PCDHGB3: variants seen among roughly 807,000 people sequenced by gnomAD.
PCDHGB3 encodes protocadherin gamma subfamily B, 3, also known as protocadherin gamma-B3.
PCDHGB3 carries 40 observed loss-of-function variants against 59.2 expected under a neutral mutation model. That is an observed-to-expected ratio of 0.68 (90% confidence interval 0.52 to 0.88). The LOEUF (loss-of-function observed/expected upper bound fraction) is 0.88, where lower values mean the gene tolerates loss of function less well. Among genes scored for constraint, PCDHGB3 ranks in the 40% least tolerant of loss-of-function variants. The pLI, the probability that PCDHGB3 is intolerant of heterozygous loss-of-function variation, is 0.00. For synonymous variants in PCDHGB3, 581 were observed against 503.6 expected, an observed-to-expected ratio of 1.15 and a Z score of -2.06; for missense variants, 1,309 against 1,187.9, an observed-to-expected ratio of 1.10 and a Z score of -1.50.
At chr5:141,424,171 C>A in intron 1 of PCDHGB3, 1 of 226,338 alleles carries the variant, frequency 4.4e-6, no homozygotes, top group Non-Finnish European at 8.0e-6. Flanking sequence ...ATCTATCTAT[C>A]TATACACATG....
rs376494807 is a variant in PCDHGB3 at position 141,491,836 on chromosome 5, G to A, written c.2416-2971G>A. 4.2e-5 allele frequency: 62 copies of A among 1,472,880 alleles called. No homozygotes were observed. The highest frequency in any genetic ancestry group is 3.6e-4 in the Middle Eastern group (2 of 5,606). 91.2% of individuals were successfully genotyped at this position (1,472,880 alleles called of 1,614,324 possible). A position where few individuals can be genotyped will look rare whatever the true frequency, so the allele number is the denominator to read the frequency against. On this transcript the variant is annotated intron_variant, in intron 1 of 3. Coordinates refer to ENST00000576222, the MANE Select transcript of PCDHGB3 (RefSeq NM_018924.5). This position sits in a 1 kb window ranked among gnomAD's most constrained non-coding sequence, Gnocchi z 6.9. ...CTGGCTGCGCTCCACCCGATTCTCG[G>A]GATCATTGGACCGTTTGCGCGAAAC...
chr5:141,476,382 A>G lies in PCDHGB3; in HGVS notation c.2416-18425A>G, dbSNP rs777831089. ...CGGGAGACCGGAGAGATGTTTGTGA[A>G]CGACCGTCTGGATCGAGAGGAGCTG... On this transcript the variant is annotated intron_variant, in intron 1 of 3. Transcript: ENST00000576222. This position sits in a 1 kb window ranked among gnomAD's most constrained non-coding sequence, Gnocchi z 7.6. 3.7e-6 allele frequency: 6 copies of G among 1,613,866 alleles called. No individual in the cohort carries two copies. The East Asian group carries it at 1.3e-4, about 36-fold the overall frequency.
chr5:141,394,275 A>G (rs371709954), intron 1 of PCDHGB3: 21 of 1,613,792 alleles, frequency 1.3e-5, no homozygotes, highest in Non-Finnish European at 1.6e-5. Flanking sequence ...TGCCCAGGTC[A>G]CTTACTCTGT....
At chr5:141,402,962 C>A (rs1482027682) in intron 1 of PCDHGB3, 2 of 1,604,618 alleles carry the variant, frequency 1.2e-6, no homozygotes, top group African/African-American at 2.7e-5. Flanking sequence ...AATGGCAGCT[C>A]CAACCAAATG....
chr5:141,390,103 A>G (rs757288667), intron 1 of PCDHGB3: 2 of 1,613,996 alleles, frequency 1.2e-6, no homozygotes, highest in South Asian at 1.1e-5. Flanking sequence ...GTTCCCCCCA[A>G]CTACAGCGAG....
intron 1 of PCDHGB3, chr5:141,475,850 G>A (rs2099376325): frequency 1.9e-5 from 9 of 464,524 alleles, no homozygotes; most frequent in Middle Eastern, 5.9e-4. Context: ...AGAGAGCCCG[G>A]CGCTAGCTCA....
At chr5:141,407,238 T>C (rs538322072) in intron 1 of PCDHGB3, among the ~76,000 whole-genome samples, 1 of 152,338 alleles carries the variant, frequency 6.6e-6, no homozygotes, top group East Asian at 1.9e-4. Context: ...AAATAAAGCA[T>C]ACTTCAGGCT....
chr5:141,372,648 T>C lies in PCDHGB3; in HGVS notation c.2254T>C (p.Tyr752His). 6.2e-7 allele frequency: 1 copy of C among 1,614,024 alleles called. No homozygotes were observed. Among genetic ancestry groups the C allele is most frequent in the Non-Finnish European group, 8.5e-7 (1 of 1,179,866 alleles). ...CAGCGAAAGGACTTTGCCTTATTCC[T>C]ACAATCCGTGTGCTGCCTCACATTC... ...TYSERTLPYS[Y>H]NPCAASHSSN... Residue 752 changes from tyrosine to histidine, a missense_variant, in exon 1 of 4, where the codon TAC becomes CAC. Coordinates refer to ENST00000576222, the MANE Select transcript of PCDHGB3 (RefSeq NM_018924.5).
chr5:141,441,993 G>T (rs577673608), intron 1 of PCDHGB3: 16 of 251,180 alleles, frequency 6.4e-5, no homozygotes, highest in East Asian at 3.9e-4. Flanking sequence ...CACCGACGAG[G>T]TGCTGACAGC....
intron 1 of PCDHGB3, among the ~76,000 whole-genome samples, chr5:141,452,761 G>A (rs1291983570): frequency 6.6e-6 from 1 of 152,036 alleles, no homozygotes; most frequent in East Asian, 1.9e-4. Flanking sequence ...AGGAAGGGAG[G>A]GAGGGAAAAC....
chr5:141,456,093 T>G (rs1362649283), intron 1 of PCDHGB3, among the ~76,000 whole-genome samples: 1 of 151,986 alleles, frequency 6.6e-6, no homozygotes, highest in Non-Finnish European at 1.5e-5. Context: ...GAGACGGGAT[T>G]TCACCGTGTT....
At chr5:141,438,914 C>T (rs1249997741) in intron 1 of PCDHGB3, among the ~76,000 whole-genome samples, 1 of 151,906 alleles carries the variant, frequency 6.6e-6, no homozygotes, top group Non-Finnish European at 1.5e-5. Flanking sequence ...GATCCACCTG[C>T]CTTGGCCTCC....
chr5:141,383,458 G>A, intron 1 of PCDHGB3: 1 of 1,613,878 alleles, frequency 6.2e-7, no homozygotes, highest in African/African-American at 1.3e-5. Context: ...AAGTGGAGAC[G>A]ATGAAACTAA....
At chr5:141,409,507 T>C (rs1220086382) in intron 1 of PCDHGB3, 3 of 1,613,982 alleles carry the variant, frequency 1.9e-6, no homozygotes, top group South Asian at 1.1e-5. Flanking sequence ...TTTCTTCCAG[T>C]AGAAGCATCA....
At position 141,371,887 on chromosome 5, in the gene PCDHGB3, C is replaced by A. The variant is rs372336757; in HGVS notation, c.1493C>A (p.Pro498Gln). 2 of 1,613,424 alleles carry A rather than the reference C, an allele frequency of 1.2e-6. No homozygotes were observed. Among genetic ancestry groups the A allele is most frequent in the Non-Finnish European group, 1.7e-6 (2 of 1,179,900 alleles). The change falls in exon 1 of 4, where the codon CCG (proline) becomes CAG (glutamine). Residue 498 changes from proline (P) to glutamine (Q), a missense_variant. Transcript: ENST00000576222. The stretch of plus-strand genomic sequence containing the variant: ...TACATCGTGGCCAGTGACCTGGAGC[C>A]GCGGGAGCTGTCGTCCTACGTGTCC... ...SYYIVASDLE[P>Q]RELSSYVSVS...
At position 141,371,582 on chromosome 5, in the gene PCDHGB3, A is replaced by G. The variant is rs1442849202; in HGVS notation, c.1188A>G (p.Gln396=). 3 of 1,613,934 alleles carry G rather than the reference A, an allele frequency of 1.9e-6. No individual in the cohort carries two copies. The highest frequency in any genetic ancestry group is 2.2e-5 in the East Asian group (1 of 44,882). ...LKGNFPFKIV[Q]DTKNTYRLVT... ...GAAACTTCCCCTTTAAAATCGTTCA[A>G]GATACCAAAAACACATACAGGTTGG... is the stretch of plus-strand genomic sequence containing the variant. The change falls in exon 1 of 4, where the codon CAA becomes CAG. Residue 396 remains glutamine, a synonymous_variant. Coordinates refer to ENST00000576222, the MANE Select transcript of PCDHGB3 (RefSeq NM_018924.5).
intron 1 of PCDHGB3, chr5:141,410,614 G>A: frequency 6.2e-7 from 1 of 1,604,858 alleles, no homozygotes; most frequent in South Asian, 1.1e-5. Flanking sequence ...CTGAGACTCT[G>A]ACTTCGGTGA....
chr5:141,372,091 C>T lies in PCDHGB3; in HGVS notation c.1697C>T (p.Ala566Val), dbSNP rs767361394. 2 of 1,613,774 alleles carry T rather than the reference C, an allele frequency of 1.2e-6. No individual in the cohort carries two copies. Among genetic ancestry groups the T allele is most frequent in the South Asian group, 2.2e-5 (2 of 91,078 alleles). Residue 566 changes from alanine (A) to valine (V), a missense_variant, in exon 1 of 4, where the codon GCT becomes GTT. Physicochemically the swap from Ala to Val is moderately conservative, Grantham distance 64. Transcript: ENST00000576222. Reference protein sequence around the residue: ...NDNAPLVLYPALGPEGSALFD... With the variant: ...NDNAPLVLYPVLGPEGSALFD... ...AATGCACCGCTGGTGCTGTACCCAG[C>T]TCTGGGGCCCGAAGGCTCTGCGCTC...
chr5:141,447,864 T>A (rs2098553913), intron 1 of PCDHGB3, among the ~76,000 whole-genome samples: 1 of 152,098 alleles, frequency 6.6e-6, no homozygotes, highest in Non-Finnish European at 1.5e-5. Context: ...GGTGGGTGAA[T>A]CATCTGAGGT....
Sources: gnomAD v4.1 joint callset for allele counts (sites outside exome capture counted in the v4.1 genomes callset) on GRCh38, gnomAD v4.1.1 for gene constraint, Gnocchi (gnomAD v3.1) non-coding constraint, MANE v1.5 for transcripts, NCBI Gene and HGNC (gene_info 2026-07-23, HGNC 2026-07-21) for gene names.